The following BCAP29 variants were observed in gnomAD, a reference collection of about 807,000 sequenced individuals.
BCAP29 encodes B cell receptor associated protein 29, also known as B-cell receptor-associated protein 29.
Under a neutral mutation model 31.8 loss-of-function variants are expected in BCAP29, and 34 were observed. The observed-to-expected ratio is 1.07, with a 90% CI of 0.81 to 1.42. BCAP29 has a LOEUF of 1.42. Ranked by LOEUF, BCAP29 falls within the 40% of genes most tolerant of loss-of-function variation. The pLI is 0.00. For synonymous variants in BCAP29, 104 were observed against 91.3 expected, an observed-to-expected ratio of 1.14 and a Z score of -0.79; for missense variants, 314 against 269.2, an observed-to-expected ratio of 1.17 and a Z score of -1.16.
In BCAP29 at chr7:107,583,314, A is replaced by G. The variant is rs139211879; in HGVS notation, c.93-568A>G. Among the ~76,000 whole-genome samples, 461 of 152,156 alleles carry G rather than the reference A, an allele frequency of 3.0e-3. 3 individuals are homozygous for G. Among genetic ancestry groups the G allele is most frequent in the African/African-American group, 0.011 (447 of 41,512 alleles). ...ATTACATGGTTTTATATATATATAT[A>G]TAGTGTGTGTGTGAAAATTATCAAG... On this transcript the variant is annotated intron_variant, in intron 2 of 7. Coordinates refer to ENST00000005259, the MANE Select transcript of BCAP29 (RefSeq NM_018844.4).
chr7:107,597,669 T>C (rs958807983), intron 5 of BCAP29, among the ~76,000 whole-genome samples: 2 of 152,212 alleles, frequency 1.3e-5, no homozygotes, highest in African/African-American at 4.8e-5. Flanking sequence ...TTAAGTGACT[T>C]GTACAAGATC....
intron 5 of BCAP29, among the ~76,000 whole-genome samples, chr7:107,596,398 G>A (rs1585112784): frequency 2.6e-5 from 4 of 151,948 alleles, no homozygotes; most frequent in East Asian, 1.9e-4. Flanking sequence ...CTAGATTTTC[G>A]TTTTCTTTTA....
chr7:107,597,256 C>T (rs1810024568), intron 5 of BCAP29, among the ~76,000 whole-genome samples: 1 of 152,056 alleles, frequency 6.6e-6, no homozygotes, highest in African/African-American at 2.4e-5. Context: ...CCTTTCTTTC[C>T]TTTCCTCTCC....
chr7:107,585,530 G>A (rs1442323536), intron 3 of BCAP29, among the ~76,000 whole-genome samples: 1 of 152,112 alleles, frequency 6.6e-6, no homozygotes, highest in Non-Finnish European at 1.5e-5. Flanking sequence ...TATTTCCTGG[G>A]TTTGATTTAT....
At chr7:107,580,480 G>T (rs1806402349) in intron 1 of BCAP29, 179 bp downstream of exon 1, 1 of 328,908 alleles carries the variant, frequency 3.0e-6, no homozygotes, top group Non-Finnish European at 5.5e-6. Flanking sequence ...GAAGCCGGGC[G>T]TTGGTGGAGG....
At chr7:107,608,771 A>G (rs1426782457) in intron 6 of BCAP29, among the ~76,000 whole-genome samples, 1 of 152,216 alleles carries the variant, frequency 6.6e-6, no homozygotes, top group Non-Finnish European at 1.5e-5. Flanking sequence ...TATCAAGATT[A>G]CTATCAGGTG....
intron 2 of BCAP29, among the ~76,000 whole-genome samples, chr7:107,583,025 G>A (rs1806982640): frequency 6.6e-6 from 1 of 152,044 alleles, no homozygotes; most frequent in South Asian, 2.1e-4. Flanking sequence ...TAATCTTAAA[G>A]TGAAACTGTT....
At chr7:107,590,918 A>G (rs1323178068) in intron 3 of BCAP29, among the ~76,000 whole-genome samples, 1 of 152,224 alleles carries the variant, frequency 6.6e-6, no homozygotes, top group Non-Finnish European at 1.5e-5. Context: ...TGGGGTCACA[A>G]AATACAGGTG....
At chr7:107,609,433 A>C (rs1406511988) in intron 6 of BCAP29, among the ~76,000 whole-genome samples, 1 of 152,188 alleles carries the variant, frequency 6.6e-6, no homozygotes. Flanking sequence ...TTAATAATCT[A>C]ATCTGGAAAT....
intron 3 of BCAP29, among the ~76,000 whole-genome samples, chr7:107,588,356 C>T (rs534827931): frequency 4.0e-4 from 61 of 152,244 alleles, no homozygotes; most frequent in South Asian, 8.3e-4. Flanking sequence ...TGTGAATATA[C>T]TAAGCATGAC....
intron 6 of BCAP29, among the ~76,000 whole-genome samples, chr7:107,608,666 A>G (rs572656214): frequency 1.5e-4 from 23 of 152,282 alleles, no homozygotes; most frequent in African/African-American, 5.1e-4. Context: ...AGATATTTGT[A>G]ACATGAGTAT....
At chr7:107,614,263 A>G (rs75848365) in intron 7 of BCAP29, among the ~76,000 whole-genome samples, 3,811 of 152,230 alleles carry the variant, frequency 0.025, 171 homozygotes, top group African/African-American at 0.087. Flanking sequence ...TATCTCCAAG[A>G]CTCAGCACTG....
intron 4 of BCAP29, 66 bp from the exon 5 acceptor site, chr7:107,595,801 A>G (rs775618361): frequency 1.5e-5 from 23 of 1,532,774 alleles, no homozygotes; most frequent in African/African-American, 2.8e-5. Context: ...TAATTTGGCA[A>G]TGACTGTTTT....
At chr7:107,614,562 T>A (rs1445859309) in intron 7 of BCAP29, among the ~76,000 whole-genome samples, 1 of 152,236 alleles carries the variant, frequency 6.6e-6, no homozygotes, top group Non-Finnish European at 1.5e-5. Context: ...TATTACTTCC[T>A]CTGTAGGAAT....
intron 3 of BCAP29, among the ~76,000 whole-genome samples, chr7:107,586,310 G>GA (rs909999504): frequency 1.3e-5 from 2 of 151,684 alleles, no homozygotes; most frequent in African/African-American, 2.4e-5. Flanking sequence ...CACATCAAAG[G>GA]AAAAAAAATT....
intron 6 of BCAP29, among the ~76,000 whole-genome samples, chr7:107,612,437 A>ATATATATATTTATT (rs771741951): frequency 4.5e-4 from 51 of 113,168 alleles, no homozygotes; most frequent in African/African-American, 1.2e-3. Context: ...ATATATATAT[A>ATATATATATTTATT]TATTTATTTT....
chr7:107,602,964 C>CTTTTTTTTTTTT (rs34887499), intron 6 of BCAP29, among the ~76,000 whole-genome samples: 109 of 68,290 alleles, frequency 1.6e-3, no homozygotes, highest in Non-Finnish European at 2.0e-3. Context: ...TTCTTTTATT[C>CTTTTTTTTTTTT]TTTTTTTTTT....
rs1222048061 is a variant in BCAP29, at chr7:107,580,273, G to A, written c.-43G>A. Reference sequence around the variant, plus strand: ...CCCGCGCGTCGGCGGCCGCGGAGCAGCGCAGGGAGCCAGGCGGGCTGCCGG... The same window carrying A: ...CCCGCGCGTCGGCGGCCGCGGAGCAACGCAGGGAGCCAGGCGGGCTGCCGG... On this transcript the variant is annotated 5_prime_UTR_variant, in exon 1 of 8. Transcript: ENST00000005259. The A allele has an allele frequency of 6.6e-6, 1 of 152,120 alleles. No individual in the cohort carries two copies. The highest frequency in any genetic ancestry group is 1.9e-4 in the East Asian group (1 of 5,158). The allele number at this position is 152,120 out of a possible 1,614,324, so 9.4% of individuals were successfully genotyped here. A position where few individuals can be genotyped will look rare whatever the true frequency, so the allele number is the denominator to read the frequency against.
In BCAP29 at chr7:107,613,412, A is replaced by C; in HGVS notation, c.670A>C (p.Lys224Gln). ...RLSKEYDQLL[K>Q]EHSELQDRLE... ...TTCGAAAGAATATGATCAACTCCTG[A>C]AAGAACACTCTGAACTTCAGGTGGG... The change falls in exon 7 of 8, where the codon AAA becomes CAA. Residue 224 changes from lysine to glutamine, a missense_variant. By Grantham distance (53) the Lys-to-Gln change is moderately conservative. Coordinates refer to ENST00000005259, the MANE Select transcript of BCAP29 (RefSeq NM_018844.4). 3.1e-6 allele frequency: 5 copies of C among 1,610,004 alleles called. No homozygotes were observed. Among genetic ancestry groups the C allele is most frequent in the Non-Finnish European group, 4.2e-6 (5 of 1,176,602 alleles).
Sources: allele counts gnomAD v4.1 joint callset (sites outside exome capture counted in the v4.1 genomes callset), GRCh38; gene constraint gnomAD v4.1.1; transcripts MANE v1.5; gene names NCBI Gene and HGNC (gene_info 2026-07-23, HGNC 2026-07-21).